IL3RA: variants seen among roughly 807,000 people sequenced by gnomAD.
IL3RA encodes interleukin-3 receptor subunit alpha.
Under a neutral mutation model 52.3 loss-of-function variants are expected in IL3RA, and 73 were observed. The ratio of observed to expected loss-of-function variants is 1.40; its 90% CI spans 1.16 to 1.70. IL3RA has a LOEUF of 1.70. IL3RA is among the 40% of genes most tolerant of loss of function. The pLI is 0.00. For synonymous variants in IL3RA, 260 were observed against 194.0 expected (o/e 1.34, Z -2.83); for missense variants, 664 against 504.4 (o/e 1.32, Z -3.03).
At chrX:1,367,467 G>C (rs1603448528) in intron 9 of IL3RA, among the ~76,000 whole-genome samples, 6 of 70,854 alleles carry the variant, frequency 8.5e-5, no homozygotes, top group South Asian at 6.0e-4. Context: ...CGGGGTGCGC[G>C]GGGTGAGCGG....
At chrX:1,347,617 C>A (rs1267577071) in intron 3 of IL3RA, among the ~76,000 whole-genome samples, 1 of 150,868 alleles carries the variant, frequency 6.6e-6, no homozygotes, top group Non-Finnish European at 1.5e-5. Flanking sequence ...GAGGCCCTGT[C>A]TTAACAAAAA....
intron 8 of IL3RA, among the ~76,000 whole-genome samples, chrX:1,364,432 G>A (rs1487519752): frequency 3.3e-5 from 5 of 150,676 alleles, no homozygotes; most frequent in African/African-American, 4.9e-5. Context: ...CGGAGGTTGC[G>A]GTGAGCCGAG....
At chrX:1,337,493 G>C (rs774066879) in intron 1 of IL3RA, among the ~76,000 whole-genome samples, 30 of 152,270 alleles carry the variant, frequency 2.0e-4, no homozygotes, top group African/African-American at 7.2e-4. Flanking sequence ...GTAGCCAAGA[G>C]GTGGAGACAG....
At chrX:1,351,377 G>A (rs2086074957) in intron 4 of IL3RA, among the ~76,000 whole-genome samples, 1 of 152,030 alleles carries the variant, frequency 6.6e-6, no homozygotes, top group African/African-American at 2.4e-5. Context: ...CACACAGGCT[G>A]GAGTGCAGTG....
intron 2 of IL3RA, among the ~76,000 whole-genome samples, chrX:1,343,056 C>A (rs1189326770): frequency 2.0e-5 from 3 of 151,772 alleles, no homozygotes; most frequent in African/African-American, 7.3e-5. Flanking sequence ...GCCTGGGCGA[C>A]AGAGTGAGAC....
In IL3RA at chrX:1,378,704, CGCT is replaced by C. The variant is rs764705010; in HGVS notation, c.925_927del (p.Leu309del). 3 of 1,612,684 alleles carry C rather than the reference CGCT, an allele frequency of 1.9e-6. No homozygotes were observed. The East Asian group carries it at 6.7e-5, about 36-fold the overall frequency. ...GCAAACACACGTGCCTGGCGGACGT[CGCT>C]GCTGATCGCGCTGGGGACGCTGCTG... On this transcript the variant is annotated inframe_deletion, in exon 10 of 12. Coordinates refer to ENST00000331035, the MANE Select transcript of IL3RA (RefSeq NM_002183.4).
In IL3RA at chrX:1,380,185, T is replaced by C. The variant is rs183371779; in HGVS notation, c.981-838T>C. Among the ~76,000 whole-genome samples, 1,041 of 151,088 alleles carry C rather than the reference T, an allele frequency of 6.9e-3. 9 individuals carry two copies. Among genetic ancestry groups the C allele is most frequent in the African/African-American group, 0.023 (942 of 41,158 alleles). ...CTGGGATGACAGGCGTGTGCCACCATGCCCAGATAATTTTGTATTTTTAGT... is the reference window on the plus strand; with the variant it reads ...CTGGGATGACAGGCGTGTGCCACCACGCCCAGATAATTTTGTATTTTTAGT... On this transcript the variant is annotated intron_variant, in intron 10 of 11. Transcript: ENST00000331035.
At chrX:1,351,340 T>G (rs865855319) in intron 4 of IL3RA, among the ~76,000 whole-genome samples, 1 of 11,542 alleles carries the variant, frequency 8.7e-5, no homozygotes, top group Non-Finnish European at 2.2e-4. Flanking sequence ...TTTTATTTTT[T>G]TTTTTGAGAC....
intron 3 of IL3RA, among the ~76,000 whole-genome samples, chrX:1,346,410 G>C (rs1406816184): frequency 2.6e-5 from 4 of 151,926 alleles, no homozygotes; most frequent in South Asian, 2.1e-4. Flanking sequence ...CTGCACTCCA[G>C]CCTGGGGGAC....
At chrX:1,343,771 CTTTCTTT>C (rs1162040800) in intron 2 of IL3RA, among the ~76,000 whole-genome samples, 1 of 124,900 alleles carries the variant, frequency 8.0e-6, no homozygotes, top group Non-Finnish European at 1.6e-5. Context: ...CTTTTTCTTT[CTTTCTTT>C]TTTTTTTTTT....
intron 8 of IL3RA, among the ~76,000 whole-genome samples, chrX:1,360,679 CAACT>C (rs1298159791): frequency 1.4e-4 from 20 of 147,136 alleles, no homozygotes; most frequent in African/African-American, 5.2e-4. Context: ...CCACCATGCC[CAACT>C]AACTTTTTTT....
chrX:1,382,228 T>C (rs867558612), intron 11 of IL3RA, among the ~76,000 whole-genome samples, 163 bp from the exon 12 acceptor site: 77 of 27,470 alleles, frequency 2.8e-3, no homozygotes, highest in African/African-American at 0.014. Flanking sequence ...GGATTACAGG[T>C]GTGACCCACC....
intron 2 of IL3RA, 102 bp downstream of exon 2, chrX:1,341,931 A>T: frequency 8.0e-7 from 1 of 1,245,220 alleles, no homozygotes; most frequent in Non-Finnish European, 1.2e-6. Context: ...TTTCATGCTG[A>T]GCTCATGGCA....
At chrX:1,342,397 C>T (rs759960379) in intron 2 of IL3RA, among the ~76,000 whole-genome samples, 2 of 151,990 alleles carry the variant, frequency 1.3e-5, no homozygotes, top group East Asian at 3.9e-4. Flanking sequence ...AACTGCTGAC[C>T]ACAAGTGATC....
chrX:1,354,508 A>G (rs7060570), intron 6 of IL3RA, among the ~76,000 whole-genome samples: 105,036 of 140,154 alleles, frequency 0.75, 39,319 homozygotes, highest in African/African-American at 0.82. Flanking sequence ...GGAGGAGGAG[A>G]AGGAAAAGAA....
chrX:1,345,070 G>A (rs1232133672), intron 2 of IL3RA, among the ~76,000 whole-genome samples: 2 of 151,424 alleles, frequency 1.3e-5, no homozygotes, highest in Admixed American at 6.6e-5. Context: ...TCGGGAGGCT[G>A]AGGCAGGAGA....
intron 11 of IL3RA, among the ~76,000 whole-genome samples, chrX:1,382,057 T>C (rs1780096887): frequency 6.6e-6 from 1 of 151,710 alleles, no homozygotes; most frequent in Admixed American, 6.6e-5. Flanking sequence ...GTTCAAGCGA[T>C]TCTCCTGCCT....
At chrX:1,359,504 C>T (rs1569524273) in intron 8 of IL3RA, among the ~76,000 whole-genome samples, 1 of 143,538 alleles carries the variant, frequency 7.0e-6, no homozygotes, top group Non-Finnish European at 1.5e-5. Flanking sequence ...CTCTATCTCC[C>T]TCCCCCTCTC....
chrX:1,366,605 G>A (rs2149137968), intron 9 of IL3RA, among the ~76,000 whole-genome samples: 1 of 44,306 alleles, frequency 2.3e-5, no homozygotes, highest in East Asian at 5.9e-4. Context: ...CGGTGCGCGG[G>A]GTGAGCGGGG....
Sources: gnomAD v4.1 joint callset for allele counts (sites outside exome capture counted in the v4.1 genomes callset) on GRCh38, gnomAD v4.1.1 for gene constraint, MANE v1.5 for transcripts, NCBI Gene and HGNC (gene_info 2026-07-23, HGNC 2026-07-21) for gene names.